The following GRIA4 variants were observed in gnomAD, a reference collection of about 807,000 sequenced individuals.
The protein encoded by GRIA4 is glutamate receptor 4.
GRIA4 carries 34 observed loss-of-function variants against 104.0 expected under a neutral mutation model. That is an observed-to-expected ratio of 0.33 (90% CI 0.25 to 0.44). GRIA4 has a LOEUF of 0.44. GRIA4 is among the 20% of genes least tolerant of loss of function. The probability of loss-of-function intolerance (pLI) is 1.00; values close to 1 mark genes in which losing one functional copy is unlikely to be tolerated. For missense variants in GRIA4, 750 were observed against 1,096.5 expected, an observed-to-expected ratio of 0.68 and a Z score of 4.46; for synonymous variants, 386 against 381.9, an observed-to-expected ratio of 1.01 and a Z score of -0.13.
At chr11:105,906,982 C>A (rs61902578) in intron 9 of GRIA4, among the ~76,000 whole-genome samples, 8,975 of 152,212 alleles carry the variant, frequency 0.059, 286 homozygotes, top group Non-Finnish European at 0.078. Context: ...CCAGACCTTG[C>A]AAAATTTGCC....
At chr11:105,934,411 A>G (rs892679431) in intron 14 of GRIA4, among the ~76,000 whole-genome samples, 2 of 152,098 alleles carry the variant, frequency 1.3e-5, no homozygotes, top group African/African-American at 4.8e-5. Context: ...TTCCATTTCA[A>G]TATTTTATTT....
chr11:105,979,975 G>T lies in GRIA4; in HGVS notation c.*236G>T. On this transcript the variant is annotated 3_prime_UTR_variant, in exon 17 of 17. Transcript: ENST00000282499. ...ACTCACAATTGAGGTTTTTTTCGGGGAGTGGGTGGGGGAGGGATCTGGGAT... is the reference window on the plus strand; with the variant it reads ...ACTCACAATTGAGGTTTTTTTCGGGTAGTGGGTGGGGGAGGGATCTGGGAT... The T allele has an allele frequency of 3.8e-5, 15 of 390,142 alleles. No individual in the cohort carries two copies. The highest frequency in any genetic ancestry group is 7.5e-5 in the Admixed American group (2 of 26,546). The allele number at this position is 390,142 out of a possible 1,614,324, so 24.2% of individuals were successfully genotyped here. A position where few individuals can be genotyped will look rare whatever the true frequency, so the allele number is the denominator to read the frequency against.
chr11:105,672,234 A>T (rs772464962), intron 3 of GRIA4, among the ~76,000 whole-genome samples: 13 of 152,286 alleles, frequency 8.5e-5, no homozygotes, highest in Admixed American at 2.6e-4. Flanking sequence ...TTGAATAATC[A>T]CAAGTTTCAT....
chr11:105,714,440 G>A (rs942583916), intron 3 of GRIA4, among the ~76,000 whole-genome samples: 1 of 151,998 alleles, frequency 6.6e-6, no homozygotes, highest in African/African-American at 2.4e-5. Flanking sequence ...AAGTGAATAA[G>A]TCTCCATCAT....
At chr11:105,747,740 T>C (rs929457423) in intron 3 of GRIA4, among the ~76,000 whole-genome samples, 38 of 152,272 alleles carry the variant, frequency 2.5e-4, no homozygotes, top group African/African-American at 8.9e-4. Context: ...AAAAGATTCA[T>C]ACCCCTTATT....
intron 4 of GRIA4, among the ~76,000 whole-genome samples, chr11:105,860,976 A>AAG (rs1555029502): frequency 2.4e-4 from 34 of 142,406 alleles, no homozygotes; most frequent in African/African-American, 6.7e-4. Flanking sequence ...AAAAAAAAAA[A>AAG]AGAGAGATGG....
At chr11:105,711,363 C>T (rs926976138) in intron 3 of GRIA4, among the ~76,000 whole-genome samples, 1 of 151,832 alleles carries the variant, frequency 6.6e-6, no homozygotes, top group Admixed American at 6.6e-5. Context: ...CAACATGGCA[C>T]ATGTATACTT....
chr11:105,966,775 C>A (rs1429780066), intron 14 of GRIA4, among the ~76,000 whole-genome samples: 1 of 152,088 alleles, frequency 6.6e-6, no homozygotes, highest in South Asian at 2.1e-4. Context: ...TGTCCCAGAG[C>A]CCTTCTTCAC....
intron 5 of GRIA4, among the ~76,000 whole-genome samples, chr11:105,869,553 A>T (rs1251151584): frequency 6.6e-6 from 1 of 152,140 alleles, no homozygotes; most frequent in African/African-American, 2.4e-5. Flanking sequence ...AGAATTTTGC[A>T]TCTACTCCTC....
At chr11:105,960,873 T>G (rs908745525) in intron 14 of GRIA4, among the ~76,000 whole-genome samples, 10 of 151,998 alleles carry the variant, frequency 6.6e-5, no homozygotes, top group Non-Finnish European at 1.3e-4. Context: ...GGAGAGGAGG[T>G]TCCCCTTCCC....
intron 11 of GRIA4, among the ~76,000 whole-genome samples, chr11:105,919,354 A>C (rs1400270512): frequency 6.6e-6 from 1 of 152,126 alleles, no homozygotes; most frequent in Non-Finnish European, 1.5e-5. Context: ...TTACTCATAG[A>C]TATCTTTTAA....
intron 14 of GRIA4, among the ~76,000 whole-genome samples, chr11:105,971,480 A>AT (rs1858687536): frequency 1.3e-5 from 2 of 152,204 alleles, no homozygotes; most frequent in Admixed American, 1.3e-4. Flanking sequence ...CAAATACCAT[A>AT]AGCTGAATCA....
At chr11:105,629,762 G>C (rs1484416329) in intron 3 of GRIA4, among the ~76,000 whole-genome samples, 3 of 152,038 alleles carry the variant, frequency 2.0e-5, no homozygotes, top group East Asian at 3.9e-4. Context: ...GGAATCTTTT[G>C]GCATTTTAGT....
At chr11:105,659,768 C>A (rs1951951409) in intron 3 of GRIA4, among the ~76,000 whole-genome samples, 1 of 151,786 alleles carries the variant, frequency 6.6e-6, no homozygotes, top group African/African-American at 2.4e-5. Context: ...TGGCAGTAGA[C>A]ACCAGACTTT....
At chr11:105,691,365 GAAA>G (rs1262014516) in intron 3 of GRIA4, among the ~76,000 whole-genome samples, 1 of 151,968 alleles carries the variant, frequency 6.6e-6, no homozygotes, top group East Asian at 1.9e-4. Context: ...AAATAACACA[GAAA>G]AAAAGTTTCT....
chr11:105,679,112 G>A (rs1017887730), intron 3 of GRIA4, among the ~76,000 whole-genome samples: 3 of 152,074 alleles, frequency 2.0e-5, no homozygotes, highest in African/African-American at 7.2e-5. Context: ...TCTGCAGGGT[G>A]GGCTGGAGAC....
chr11:105,895,119 C>T (rs1946604006), intron 6 of GRIA4, among the ~76,000 whole-genome samples: 2 of 152,060 alleles, frequency 1.3e-5, no homozygotes, highest in Non-Finnish European at 2.9e-5. Context: ...TATTTTATTC[C>T]CACCAAAAAA....
intron 3 of GRIA4, among the ~76,000 whole-genome samples, chr11:105,686,139 C>T (rs1450508472): frequency 6.6e-6 from 1 of 151,944 alleles, no homozygotes; most frequent in Non-Finnish European, 1.5e-5. Flanking sequence ...TTTTGTGATG[C>T]TGAGGTTTAG....
intron 14 of GRIA4, among the ~76,000 whole-genome samples, chr11:105,945,039 T>C (rs2136230909): frequency 6.6e-6 from 1 of 152,318 alleles, no homozygotes; most frequent in South Asian, 2.1e-4. Flanking sequence ...ATGGTGCTGC[T>C]TGTAGCACTA....
Sources: gnomAD v4.1 joint callset for allele counts (sites outside exome capture counted in the v4.1 genomes callset) on GRCh38, gnomAD v4.1.1 for gene constraint, MANE v1.5 for transcripts, NCBI Gene and HGNC (gene_info 2026-07-23, HGNC 2026-07-21) for gene names.